The following EXOC3L1 variants were observed in gnomAD, a reference collection of about 807,000 sequenced individuals.
EXOC3L1 encodes exocyst complex component 3-like protein.
EXOC3L1 carries 79 observed loss-of-function variants against 83.6 expected under a neutral mutation model. The observed-to-expected ratio is 0.95, with a 90% CI of 0.79 to 1.14. The LOEUF (loss-of-function observed/expected upper bound fraction) is 1.14, where lower values mean the gene tolerates loss of function less well. Ranked by LOEUF, EXOC3L1 falls within the 50% of genes most tolerant of loss-of-function variation. The pLI is 0.00. For synonymous variants in EXOC3L1, 433 were observed against 451.2 expected, an observed-to-expected ratio of 0.96 and a Z score of 0.51; for missense variants, 945 against 972.0, an observed-to-expected ratio of 0.97 and a Z score of 0.37.
intron 13 of EXOC3L1, 32 bp from the exon 14 acceptor site, chr16:67,184,636 C>G: frequency 6.3e-7 from 1 of 1,583,642 alleles, no homozygotes; most frequent in Non-Finnish European, 8.6e-7. Flanking sequence ...GCGTCAGCCC[C>G]GTCCTCCCCG....
Position 67,187,847 on chromosome 16 carries a change from G to A in EXOC3L1, c.428-10C>T, listed in dbSNP as rs1736413307. ...GACACTGCAGCCGGCACTAATGAGA[G>A]TGAAAAGGAGACGGCCCTGGGTCTC... On this transcript the variant is annotated splice_polypyrimidine_tract_variant and intron_variant, in intron 4 of 13. Transcript: ENST00000314586. 1 of 1,565,142 alleles carries A rather than the reference G, an allele frequency of 6.4e-7. No individual in the cohort carries two copies. Among genetic ancestry groups the A allele is most frequent in the Non-Finnish European group, 8.7e-7 (1 of 1,152,362 alleles).
chr16:67,185,860 T>C (rs1231718095), intron 9 of EXOC3L1, among the ~76,000 whole-genome samples: 1 of 152,146 alleles, frequency 6.6e-6, no homozygotes. Flanking sequence ...GAAGGGAGTG[T>C]GTGTGTGTGT....
rs768499765 is a variant in EXOC3L1, at chr16:67,184,688, C to G, written c.2028G>C (p.Val676=). The change falls in exon 13 of 14, where the codon GTG becomes GTC. Residue 676 remains valine (V), a splice_region_variant and synonymous_variant. Coordinates refer to ENST00000314586, the MANE Select transcript of EXOC3L1 (RefSeq NM_178516.4). ...VAGLRQQFPD[V]SEDHVSALLG... ...CCCTTCTGGCCCCCAGTCCGCACCT[C>G]ACGTCGGGAAATTGTTGCCGCAGGC... 29 of 1,575,892 alleles carry G rather than the reference C, an allele frequency of 1.8e-5. No homozygotes were observed. The highest frequency in any genetic ancestry group is 2.3e-5 in the Non-Finnish European group (27 of 1,164,648).
In EXOC3L1 at chr16:67,184,605, C is replaced by G. The variant is rs747248178; in HGVS notation, c.2031-1G>C. 7.7e-5 allele frequency: 122 copies of G among 1,584,980 alleles called. No individual in the cohort carries two copies. Among genetic ancestry groups the G allele is most frequent in the Non-Finnish European group, 9.2e-5 (108 of 1,171,558 alleles). ...CAAGAGGGCGGAGACGTGGTCCTCGCTGCAGGGGCACCAAGGAGGCGCGTC... is the reference window on the plus strand; with the variant it reads ...CAAGAGGGCGGAGACGTGGTCCTCGGTGCAGGGGCACCAAGGAGGCGCGTC... On this transcript the variant is annotated splice_acceptor_variant, in intron 13 of 13. Transcript: ENST00000314586. LOFTEE classifies it high-confidence loss of function.
chr16:67,184,587 G>C lies in EXOC3L1; in HGVS notation c.2048C>G (p.Ala683Gly), dbSNP rs779524266. ...CAAGTCCCCGCGCAGGCCCAAGAGG[G>C]CGGAGACGTGGTCCTCGCTGCAGGG... is the stretch of plus-strand genomic sequence containing the variant. ...FPDVSEDHVSALLGLRGDLSR... is the reference protein window; with the variant it reads ...FPDVSEDHVSGLLGLRGDLSR... The change falls in exon 14 of 14, where the codon GCC becomes GGC. Residue 683 changes from alanine to glycine, a missense_variant. Coordinates refer to ENST00000314586, the MANE Select transcript of EXOC3L1 (RefSeq NM_178516.4). 6.3e-7 allele frequency: 1 copy of C among 1,577,162 alleles called. No homozygotes were observed. Among genetic ancestry groups the C allele is most frequent in the African/African-American group, 1.3e-5 (1 of 74,212 alleles).
Position 67,186,177 on chromosome 16 carries a change from C to T in EXOC3L1, c.1496+60G>A, listed in dbSNP as rs575531198. ...TGTCCTAGTGTGGGCTGAGCCCATACATAATAGGTACTCAATAGGGGGTTA... is the reference window on the plus strand; with the variant it reads ...TGTCCTAGTGTGGGCTGAGCCCATATATAATAGGTACTCAATAGGGGGTTA... On this transcript the variant is annotated intron_variant, in intron 9 of 13. Transcript: ENST00000314586. 89 of 1,202,018 alleles carry T rather than the reference C, an allele frequency of 7.4e-5. No homozygotes were observed. The African/African-American group carries it at 1.0e-3, about 14-fold the overall frequency. 74.5% of individuals were successfully genotyped at this position (1,202,018 alleles called of 1,614,324 possible). A position where few individuals can be genotyped will look rare whatever the true frequency, so the allele number is the denominator to read the frequency against.
rs750919533 is a variant in EXOC3L1 at position 67,184,966 on chromosome 16, C to T, written c.1841G>A (p.Arg614Lys). 5.6e-6 allele frequency: 9 copies of T among 1,610,104 alleles called. No individual in the cohort carries two copies. Among genetic ancestry groups the T allele is most frequent in the Non-Finnish European group, 7.6e-6 (9 of 1,179,070 alleles). ...CCGCAGGCGCTCGGCCGCCTGGGTC[C>T]TCTCGTCGGCTCCGCGGCACACCAG... ...GRLVCRGADE[R>K]TQAAERLRHD... Residue 614 changes from arginine to lysine, a missense_variant, in exon 12 of 14, where the codon AGG becomes AAG. Coordinates refer to ENST00000314586, the MANE Select transcript of EXOC3L1 (RefSeq NM_178516.4).
chr16:67,187,449 T>C lies in EXOC3L1; in HGVS notation c.816A>G (p.Leu272=), dbSNP rs1430754249. 3 of 1,609,370 alleles carry C rather than the reference T, an allele frequency of 1.9e-6. No individual in the cohort carries two copies. In the South Asian group the frequency reaches 3.3e-5, roughly 18 times the overall value. ...CTCGCAGAGCCTCCAGCCACCCTGG[T>C]AGGGCCCCTGGTGCAGGCAGCAGAG... ...GSPLLPAPGA[L]PGWLEALRVA... is the part of the protein sequence containing the mutation. The change falls in exon 5 of 14, where the codon CTA becomes CTG. Residue 272 remains leucine, a synonymous_variant. Transcript: ENST00000314586.
chr16:67,185,763 AG>A, intron 9 of EXOC3L1: 1 of 557,138 alleles, frequency 1.8e-6, no homozygotes, highest in Non-Finnish European at 3.2e-6. Context: ...TCATTCGTAA[AG>A]GAAGGGAAGT....
intron 4 of EXOC3L1, 43 bp from the exon 5 acceptor site, chr16:67,187,880 C>T (rs1323890519): frequency 3.3e-6 from 5 of 1,532,532 alleles, no homozygotes; most frequent in Non-Finnish European, 4.4e-6. Flanking sequence ...CTCAGCCTTC[C>T]CACCGCCTCA....
In EXOC3L1 at chr16:67,185,029, A is replaced by G. The variant is rs748779711; in HGVS notation, c.1778T>C (p.Val593Ala). Residue 593 changes from valine (V) to alanine (A), a missense_variant, in exon 12 of 14, where the codon GTG (valine) becomes GCG (alanine). Physicochemically the swap from Val to Ala is moderately conservative, Grantham distance 64 (BLOSUM62 0). Coordinates refer to ENST00000314586, the MANE Select transcript of EXOC3L1 (RefSeq NM_178516.4). ...CAGCGCGCTCAGGTACTGGAGCACC[A>G]CGGCACGCTCGGCCTCAGCCAGCAG... ...QLLLAEAERAVVLQYLSALMQ... is the reference protein window; with the variant it reads ...QLLLAEAERAAVLQYLSALMQ... 3.4e-5 allele frequency: 54 copies of G among 1,609,216 alleles called. No individual in the cohort carries two copies. The South Asian group carries it at 5.3e-4, about 16-fold the overall frequency.
In EXOC3L1 at chr16:67,184,671, G is replaced by A; in HGVS notation, c.2030+15C>T. ...GCCCTCCGGCTTCTCTTCCCTTCTG[G>A]CCCCCAGTCCGCACCTCACGTCGGG... is the stretch of plus-strand genomic sequence containing the variant. On this transcript the variant is annotated intron_variant, in intron 13 of 13. Coordinates refer to ENST00000314586, the MANE Select transcript of EXOC3L1 (RefSeq NM_178516.4). 1 of 1,578,118 alleles carries A rather than the reference G, an allele frequency of 6.3e-7. No individual in the cohort carries two copies. Among genetic ancestry groups the A allele is most frequent in the South Asian group, 1.1e-5 (1 of 88,458 alleles).
At chr16:67,188,053 G>A (rs2032779391) in intron 4 of EXOC3L1, among the ~76,000 whole-genome samples, 1 of 152,176 alleles carries the variant, frequency 6.6e-6, no homozygotes, top group African/African-American at 2.4e-5. Flanking sequence ...AGACCAGCCC[G>A]GCCAACATGG....
At position 67,187,593 on chromosome 16, in the gene EXOC3L1, C is replaced by A. The variant is rs1182350572; in HGVS notation, c.672G>T (p.Val224=). 6.2e-7 allele frequency: 1 copy of A among 1,607,058 alleles called. No homozygotes were observed. Among genetic ancestry groups the A allele is most frequent in the African/African-American group, 1.3e-5 (1 of 74,920 alleles). The change falls in exon 5 of 14, where the codon GTG becomes GTT. Residue 224 remains valine (V), a synonymous_variant. Coordinates refer to ENST00000314586, the MANE Select transcript of EXOC3L1 (RefSeq NM_178516.4). The part of the protein sequence containing the change: ...REDPALLVAA[V]RVAEVETGRT... The stretch of plus-strand genomic sequence containing the variant: ...GTCCAGTCTCCACCTCCGCCACACG[C>A]ACAGCAGCCACCAACAGGGCTGGGT...
rs16957212 is a variant in EXOC3L1 at position 67,184,907 on chromosome 16, T to C, written c.1900A>G (p.Ser634Gly). The change falls in exon 12 of 14, where the codon AGT becomes GGT. Residue 634 changes from serine (S) to glycine (G), a missense_variant. Ser to Gly is a moderately conservative substitution (Grantham distance 56). Coordinates refer to ENST00000314586, the MANE Select transcript of EXOC3L1 (RefSeq NM_178516.4). ...CCCGCCCAAGAAGCTCTCACCAAACTGAGGAAAAGCTGCTGAAGCTGGGCA... is the reference window on the plus strand; with the variant it reads ...CCCGCCCAAGAAGCTCTCACCAAACCGAGGAAAAGCTGCTGAAGCTGGGCA... ...DAAQLQQLFL[S>G]LGLEENAHCA... The C allele has an allele frequency of 7.4e-3, 11,983 of 1,612,200 alleles. 665 individuals carry two copies. The African/African-American group carries it at 0.13, about 18-fold the overall frequency.
chr16:67,185,429 C>A lies in EXOC3L1; in HGVS notation c.1558G>T (p.Ala520Ser), dbSNP rs749432554. ...CTCCTCTGCAACTCGTCCAGCGCAG[C>A]TTCCACTGGAGCCAAGGCCCCTGAA... is the stretch of plus-strand genomic sequence containing the variant. ...APSGALAPVE[A>S]ALDELQRRIY... The change falls in exon 10 of 14, where the codon GCT becomes TCT. Residue 520 changes from alanine (A) to serine (S), a missense_variant. Ala to Ser is a moderately conservative substitution (Grantham distance 99, BLOSUM62 1). Transcript: ENST00000314586. 1.2e-6 allele frequency: 2 copies of A among 1,612,222 alleles called. No individual in the cohort carries two copies. The highest frequency in any genetic ancestry group is 4.5e-5 in the East Asian group (2 of 44,884).
Position 67,187,540 on chromosome 16 carries a change from CG to C in EXOC3L1, c.724del (p.Arg242GlyfsTer8). On this transcript the variant is annotated frameshift_variant, in exon 5 of 14. Transcript: ENST00000314586. LOFTEE classifies it high-confidence loss of function. ...GRTTPLGQVP[R>X]DWRQRCLRAL... The stretch of plus-strand genomic sequence containing the variant: ...CCTCAGACAGCGCTGACGCCAGTCC[CG>C]GGGGACCTGGCCCAGGGGGGTTGTT... 1 of 1,602,238 alleles carries C rather than the reference CG, an allele frequency of 6.2e-7. No individual in the cohort carries two copies. The highest frequency in any genetic ancestry group is 2.2e-5 in the East Asian group (1 of 44,826).
intron 9 of EXOC3L1, 196 bp from the exon 10 acceptor site, chr16:67,185,686 C>G: frequency 1.7e-6 from 1 of 593,098 alleles, no homozygotes; most frequent in East Asian, 2.8e-5. Context: ...AAGGACACAG[C>G]CCAGCGAGAC....
chr16:67,184,915 A>G lies in EXOC3L1; in HGVS notation c.1892T>C (p.Leu631Pro). 1 of 1,612,250 alleles carries G rather than the reference A, an allele frequency of 6.2e-7. No individual in the cohort carries two copies. The highest frequency in any genetic ancestry group is 8.5e-7 in the Non-Finnish European group (1 of 1,179,728). The change falls in exon 12 of 14, where the codon CTT (leucine) becomes CCT (proline). Residue 631 changes from leucine to proline, a missense_variant. By Grantham distance (98) the Leu-to-Pro change is moderately conservative (BLOSUM62 -3). Coordinates refer to ENST00000314586, the MANE Select transcript of EXOC3L1 (RefSeq NM_178516.4). Reference sequence around the variant, plus strand: ...AGAAGCTCTCACCAAACTGAGGAAAAGCTGCTGAAGCTGGGCAGCATCGTG... The same window carrying G: ...AGAAGCTCTCACCAAACTGAGGAAAGGCTGCTGAAGCTGGGCAGCATCGTG... Reference protein sequence around the residue: ...LRHDAAQLQQLFLSLGLEENA... With the variant: ...LRHDAAQLQQPFLSLGLEENA...
Sources: allele counts gnomAD v4.1 joint callset (sites outside exome capture counted in the v4.1 genomes callset), GRCh38; gene constraint gnomAD v4.1.1; transcripts MANE v1.5; gene names NCBI Gene and HGNC (gene_info 2026-07-23, HGNC 2026-07-21).